NRXN3: variants seen among roughly 807,000 people sequenced by gnomAD.
The protein encoded by NRXN3 is neurexin III.
NRXN3 carries 32 observed loss-of-function variants against 137.6 expected under a neutral mutation model. That is an observed-to-expected ratio of 0.23 (90% CI 0.18 to 0.31). The LOEUF (loss-of-function observed/expected upper bound fraction) is 0.31. Ranked by LOEUF, NRXN3 falls within the 10% of genes least tolerant of loss-of-function variation. NRXN3 has a pLI of 1.00. For missense variants in NRXN3, 1,574 were observed against 2,062.5 expected, an observed-to-expected ratio of 0.76 and a Z score of 4.59; for synonymous variants, 798 against 784.5, an observed-to-expected ratio of 1.02 and a Z score of -0.29.
At chr14:78,459,278 C>T (rs906673785) in intron 4 of NRXN3, among the ~76,000 whole-genome samples, 4 of 152,176 alleles carry the variant, frequency 2.6e-5, no homozygotes, top group African/African-American at 4.8e-5. Context: ...CTAGCCTCCT[C>T]GTGCCTCAGG....
chr14:78,904,744 C>T (rs749578525), intron 10 of NRXN3, among the ~76,000 whole-genome samples: 63 of 152,040 alleles, frequency 4.1e-4, no homozygotes, highest in African/African-American at 1.3e-3. Context: ...TTATTCTTTT[C>T]GTTAGCCAGG....
At chr14:79,435,696 A>G (rs951452392) in intron 15 of NRXN3, among the ~76,000 whole-genome samples, 1 of 151,910 alleles carries the variant, frequency 6.6e-6, no homozygotes, top group Non-Finnish European at 1.5e-5. Flanking sequence ...GTGCAGTGGC[A>G]TGATCATAGC....
At chr14:79,327,539 A>G (rs2153297713) in intron 15 of NRXN3, among the ~76,000 whole-genome samples, 1 of 152,112 alleles carries the variant, frequency 6.6e-6, no homozygotes, top group African/African-American at 2.4e-5. Flanking sequence ...AAGCACACAC[A>G]TCCATACTGC....
At chr14:78,906,091 T>A (rs894669331) in intron 10 of NRXN3, among the ~76,000 whole-genome samples, 2 of 152,074 alleles carry the variant, frequency 1.3e-5, no homozygotes, top group African/African-American at 4.8e-5. Context: ...TTATTTAGAC[T>A]AATCTGTTAA....
At chr14:78,645,092 A>T (rs1392096799) in intron 4 of NRXN3, 28 bp from the exon 5 acceptor site, 1 of 1,513,134 alleles carries the variant, frequency 6.6e-7, no homozygotes, top group Non-Finnish European at 8.8e-7. Context: ...ACAAGTGCTG[A>T]TTGCTTTCCT....
chr14:79,780,102 C>G (rs1366975393), intron 19 of NRXN3, among the ~76,000 whole-genome samples: 12 of 151,848 alleles, frequency 7.9e-5, no homozygotes, highest in Admixed American at 7.9e-4. Flanking sequence ...TTTTCCCATT[C>G]ACTTATAAAG....
intron 10 of NRXN3, among the ~76,000 whole-genome samples, chr14:78,823,336 G>A (rs1407084338): frequency 6.6e-6 from 1 of 151,962 alleles, no homozygotes; most frequent in African/African-American, 2.4e-5. Flanking sequence ...GCTCTTCTAC[G>A]CTACCTCTGT....
chr14:78,492,808 CTGAATAATAATAAGAGCCAACATT>C (rs751636101), intron 4 of NRXN3, among the ~76,000 whole-genome samples: 6 of 152,114 alleles, frequency 3.9e-5, no homozygotes, highest in Non-Finnish European at 8.8e-5. Context: ...GATTCAAGCT[CTGAATAATAATAAGAGCCAACATT>C]TATAATGGCA....
At chr14:78,320,816 A>C (rs1056969892) in intron 4 of NRXN3, among the ~76,000 whole-genome samples, 2 of 152,100 alleles carry the variant, frequency 1.3e-5, no homozygotes, top group African/African-American at 4.8e-5. Context: ...TCAGCATCTC[A>C]CCTAAGATCA....
At chr14:78,792,741 C>T (rs1316026734) in intron 8 of NRXN3, among the ~76,000 whole-genome samples, 1 of 152,144 alleles carries the variant, frequency 6.6e-6, no homozygotes, top group East Asian at 1.9e-4. Flanking sequence ...TGGCATTATA[C>T]AATCTCATTA....
intron 10 of NRXN3, among the ~76,000 whole-genome samples, chr14:78,902,993 A>T (rs1214361818): frequency 6.6e-6 from 1 of 151,728 alleles, no homozygotes; most frequent in Non-Finnish European, 1.5e-5. Context: ...TTCAGATAAA[A>T]TGTTATTCTC....
chr14:78,225,167 A>G (rs562584405), intron 1 of NRXN3, among the ~76,000 whole-genome samples: 101 of 152,328 alleles, frequency 6.6e-4, no homozygotes, highest in African/African-American at 2.2e-3. Flanking sequence ...TCCCTGAAGA[A>G]TCACCACACT....
chr14:79,598,354 G>A (rs2097883991), intron 16 of NRXN3, among the ~76,000 whole-genome samples: 1 of 152,108 alleles, frequency 6.6e-6, no homozygotes, highest in African/African-American at 2.4e-5. Context: ...TCCTGTCCAA[G>A]GCAGGAATTT....
chr14:78,754,877 G>A (rs1412113570), intron 8 of NRXN3, among the ~76,000 whole-genome samples: 1 of 148,194 alleles, frequency 6.7e-6, no homozygotes, highest in Admixed American at 6.7e-5. Flanking sequence ...GTGTTGCCCT[G>A]TATCCACACC....
intron 19 of NRXN3, among the ~76,000 whole-genome samples, chr14:79,729,833 T>C (rs79086671): frequency 6.6e-6 from 1 of 152,298 alleles, no homozygotes; most frequent in East Asian, 1.9e-4. Flanking sequence ...GTGCAGGGCA[T>C]GGCTCTAAGA....
chr14:78,757,120 A>G (rs2098671993), intron 8 of NRXN3, among the ~76,000 whole-genome samples: 1 of 152,136 alleles, frequency 6.6e-6, no homozygotes. Context: ...TTAAAATAGG[A>G]TTCTGGGTGG....
At chr14:78,194,601 A>G (rs375728795) in intron 1 of NRXN3, among the ~76,000 whole-genome samples, 10 of 152,190 alleles carry the variant, frequency 6.6e-5, no homozygotes, top group Middle Eastern at 3.4e-3. Context: ...CTCATCTACC[A>G]TGGTTGCCTA....
intron 4 of NRXN3, among the ~76,000 whole-genome samples, chr14:78,550,678 T>A (rs879864507): frequency 1.3e-5 from 2 of 152,164 alleles, no homozygotes; most frequent in African/African-American, 2.4e-5. Flanking sequence ...ATGAGGGCAA[T>A]CTTGCCTGGC....
chr14:78,585,914 A>T lies in NRXN3; in HGVS notation c.758-59206A>T, dbSNP rs58031431. Among the ~76,000 whole-genome samples the T allele has an allele frequency of 2.1e-3, 324 of 152,264 alleles. 5 individuals are homozygous for T. The highest frequency in any genetic ancestry group is 7.5e-3 in the African/African-American group (311 of 41,544). On this transcript the variant is annotated intron_variant, in intron 4 of 20. Coordinates refer to ENST00000335750, the MANE Select transcript of NRXN3 (RefSeq NM_001330195.2). ...CTAGGCTAGAATTATGGATTTGAGA[A>T]TCATTAGCATACACATGCTATTTAG...
Sources: allele counts gnomAD v4.1 joint callset (sites outside exome capture counted in the v4.1 genomes callset), GRCh38; gene constraint gnomAD v4.1.1; transcripts MANE v1.5; gene names NCBI Gene and HGNC (gene_info 2026-07-23, HGNC 2026-07-21).